Variants in JAKMIP2 observed in about 807,000 individuals in gnomAD.
JAKMIP2 encodes janus kinase and microtubule interacting protein 2.
In JAKMIP2, 25 loss-of-function variants were observed where a neutral mutation model predicts 115.0. That is an observed-to-expected ratio of 0.22 (90% CI 0.16 to 0.30). The LOEUF (loss-of-function observed/expected upper bound fraction) is 0.30, where lower values mean the gene tolerates loss of function less well. JAKMIP2 is among the 10% of genes least tolerant of loss of function. JAKMIP2 has a pLI of 1.00. For synonymous variants in JAKMIP2, 334 were observed against 343.6 expected (o/e 0.97, Z 0.31); for missense variants, 642 against 957.6 (o/e 0.67, Z 4.35).
chr5:147,680,985 G>A (rs35606905), intron 1 of JAKMIP2, among the ~76,000 whole-genome samples: 30,217 of 152,020 alleles, frequency 0.2, 4,006 homozygotes, highest in East Asian at 0.45. Flanking sequence ...ATGACTTTTG[G>A]TTTGTTTTCT....
chr5:147,730,691 T>C (rs1322528985), intron 1 of JAKMIP2, among the ~76,000 whole-genome samples: 1 of 152,148 alleles, frequency 6.6e-6, no homozygotes, highest in Non-Finnish European at 1.5e-5. Flanking sequence ...CCTGACCTCA[T>C]GAGCCGCCGG....
chr5:147,718,287 A>C (rs972682145), intron 1 of JAKMIP2, among the ~76,000 whole-genome samples: 70 of 149,964 alleles, frequency 4.7e-4, no homozygotes, highest in African/African-American at 1.6e-3. Flanking sequence ...ATGTTCATCA[A>C]GGATATTGGT....
In JAKMIP2 at chr5:147,761,744, CAT is replaced by C. The variant is rs141217272; in HGVS notation, c.-149+20710_-149+20711del. Among the ~76,000 whole-genome samples, 623 of 152,062 alleles carry C rather than the reference CAT, an allele frequency of 4.1e-3. 3 individuals carry two copies. Among genetic ancestry groups the C allele is most frequent in the Middle Eastern group, 0.014 (4 of 294 alleles). On this transcript the variant is annotated intron_variant, in intron 1 of 21. Transcript: ENST00000616793. ...TCAGAAGCGGAGAGTAAAAATGTTACATGTTTCATCACTCAAAAATGCTAAAT... is the reference window on the plus strand; with the variant it reads ...TCAGAAGCGGAGAGTAAAAATGTTACGTTTCATCACTCAAAAATGCTAAAT...
chr5:147,613,624 T>G (rs1417860316), intron 19 of JAKMIP2, among the ~76,000 whole-genome samples: 1 of 152,188 alleles, frequency 6.6e-6, no homozygotes, highest in Non-Finnish European at 1.5e-5. Context: ...TCTTGACATT[T>G]TTGTACTGTC....
At chr5:147,702,457 GGAAGGA>G (rs1752367403) in intron 1 of JAKMIP2, among the ~76,000 whole-genome samples, 19 of 126,244 alleles carry the variant, frequency 1.5e-4, no homozygotes, top group African/African-American at 5.5e-4. Flanking sequence ...AAGGAAGGAA[GGAAGGA>G]AGGGAGGGAG....
intron 12 of JAKMIP2, among the ~76,000 whole-genome samples, chr5:147,634,034 A>G (rs1757493441): frequency 6.6e-6 from 1 of 152,168 alleles, no homozygotes; most frequent in African/African-American, 2.4e-5. Context: ...TATGAAGTAC[A>G]ATGGATGTTG....
intron 1 of JAKMIP2, among the ~76,000 whole-genome samples, chr5:147,750,134 C>G (rs957167773): frequency 6.6e-6 from 1 of 152,158 alleles, no homozygotes; most frequent in South Asian, 2.1e-4. Context: ...AGCAATTACA[C>G]GTCTAGATCT....
intron 1 of JAKMIP2, among the ~76,000 whole-genome samples, chr5:147,701,336 T>C (rs941583425): frequency 6.6e-6 from 1 of 152,146 alleles, no homozygotes; most frequent in Non-Finnish European, 1.5e-5. Context: ...TCATAGTTAG[T>C]GCAAGTAAGA....
At chr5:147,735,858 T>C (rs1580854933) in intron 1 of JAKMIP2, among the ~76,000 whole-genome samples, 1 of 152,158 alleles carries the variant, frequency 6.6e-6, no homozygotes, top group Admixed American at 6.5e-5. Context: ...TTTTAAGAAA[T>C]AAAGTCAGCA....
chr5:147,780,331 C>A (rs1755711476), intron 1 of JAKMIP2, among the ~76,000 whole-genome samples: 1 of 152,076 alleles, frequency 6.6e-6, no homozygotes. Flanking sequence ...TCAAACTGTA[C>A]CAACTTTGCC....
chr5:147,721,708 TCGCGCACGGTG>T (rs1192049996), intron 1 of JAKMIP2, among the ~76,000 whole-genome samples: 2 of 152,094 alleles, frequency 1.3e-5, no homozygotes, highest in Non-Finnish European at 1.5e-5. Flanking sequence ...CTGCTTCGGC[TCGCGCACGGTG>T]CGCGCACCCA....
chr5:147,733,386 T>C (rs1753802816), intron 1 of JAKMIP2, among the ~76,000 whole-genome samples: 1 of 152,248 alleles, frequency 6.6e-6, no homozygotes, highest in African/African-American at 2.4e-5. Context: ...CCTTTTGTGC[T>C]GGCACTTTCC....
intron 20 of JAKMIP2, among the ~76,000 whole-genome samples, chr5:147,603,543 C>G (rs564326835): frequency 6.6e-6 from 1 of 152,264 alleles, no homozygotes; most frequent in Admixed American, 6.5e-5. Flanking sequence ...GGATCTTTAG[C>G]CTTTTTACTA....
chr5:147,661,677 T>A, intron 2 of JAKMIP2: 1 of 489,606 alleles, frequency 2.0e-6, no homozygotes, highest in Admixed American at 3.8e-5. Context: ...ATATTTGATG[T>A]TCTGGGGCCT....
At chr5:147,604,683 A>G (rs1368866335) in intron 20 of JAKMIP2, among the ~76,000 whole-genome samples, 2 of 152,128 alleles carry the variant, frequency 1.3e-5, no homozygotes, top group East Asian at 1.9e-4. Context: ...ACATTTTACC[A>G]TACAGGGATT....
At chr5:147,764,828 G>A (rs1018432958) in intron 1 of JAKMIP2, among the ~76,000 whole-genome samples, 5 of 149,796 alleles carry the variant, frequency 3.3e-5, no homozygotes, top group Non-Finnish European at 5.9e-5. Context: ...AGAGGTTGCA[G>A]TGAGCCAAGA....
intron 1 of JAKMIP2, among the ~76,000 whole-genome samples, chr5:147,750,561 T>TACACACACACACACACACACACAC (rs151015424): frequency 2.1e-5 from 3 of 142,808 alleles, no homozygotes; most frequent in Non-Finnish European, 3.1e-5. Context: ...TGCCAGAAAA[T>TACACACACACACACACACACACAC]ACACACACAC....
chr5:147,721,631 C>T (rs912056138), intron 1 of JAKMIP2, among the ~76,000 whole-genome samples: 2 of 152,154 alleles, frequency 1.3e-5, no homozygotes, highest in African/African-American at 4.8e-5. Context: ...GTCAGTCACC[C>T]CTTTCTTTGA....
At chr5:147,762,519 A>G (rs1286660426) in intron 1 of JAKMIP2, among the ~76,000 whole-genome samples, 1 of 151,946 alleles carries the variant, frequency 6.6e-6, no homozygotes, top group Non-Finnish European at 1.5e-5. Flanking sequence ...CTTGCCTTTC[A>G]GACAGCAGCT....
Sources: gnomAD v4.1 joint callset for allele counts (sites outside exome capture counted in the v4.1 genomes callset) on GRCh38, gnomAD v4.1.1 for gene constraint, MANE v1.5 for transcripts, NCBI Gene and HGNC (gene_info 2026-07-23, HGNC 2026-07-21) for gene names.